KCP: variants seen among roughly 807,000 people sequenced by gnomAD.
KCP encodes kielin/chordin-like protein.
KCP carries 194 observed loss-of-function variants against 212.7 expected under a neutral mutation model. The ratio of observed to expected loss-of-function variants is 0.91; its 90% CI spans 0.81 to 1.03. KCP has a LOEUF of 1.03. Ranked by LOEUF, KCP falls within the 50% of genes least tolerant of loss-of-function variation. The pLI, the probability that KCP is intolerant of heterozygous loss-of-function variation, is 0.00. For synonymous variants in KCP, 833 were observed against 865.3 expected, an observed-to-expected ratio of 0.96 and a Z score of 0.65; for missense variants, 2,080 against 2,162.5, an observed-to-expected ratio of 0.96 and a Z score of 0.76.
chr7:128,901,902 T>C, intron 8 of KCP, among the ~76,000 whole-genome samples: 1 of 152,164 alleles, frequency 6.6e-6, no homozygotes, highest in East Asian at 1.9e-4. Context: ...ATTCCTTATA[T>C]CTGGGGTACG....
intron 8 of KCP, among the ~76,000 whole-genome samples, chr7:128,899,286 A>G (rs1369258961): frequency 2.0e-5 from 3 of 152,214 alleles, no homozygotes; most frequent in African/African-American, 7.2e-5. Context: ...TGTGGCTTTA[A>G]TAGCGGCTGT....
Position 128,891,086 on chromosome 7 carries a change from G to T in KCP, c.1983C>A (p.Ala661=). The change falls in exon 20 of 40, where the codon GCC becomes GCA. Residue 661 remains alanine (A), a synonymous_variant. Coordinates refer to ENST00000610776, the MANE Select transcript of KCP (RefSeq NM_001366122.1). The part of the protein sequence containing the change: ...ECCPQCPAAP[A]PAGCPRPGAA... ...CGCCGGGCCGTGGGCAGCCGGCGGGGGCTGGGGCGGCTGCGGCGAGACAGC... is the reference window on the plus strand; with the variant it reads ...CGCCGGGCCGTGGGCAGCCGGCGGGTGCTGGGGCGGCTGCGGCGAGACAGC... The T allele has an allele frequency of 6.9e-7, 1 of 1,439,738 alleles. No homozygotes were observed. Among genetic ancestry groups the T allele is most frequent in the South Asian group, 1.4e-5 (1 of 69,146 alleles). The allele number at this position is 1,439,738 out of a possible 1,614,324, so 89.2% of individuals were successfully genotyped here. A position where few individuals can be genotyped will look rare whatever the true frequency, so the allele number is the denominator to read the frequency against.
At chr7:128,894,409 C>T (rs1293840957) in intron 8 of KCP, 116 bp from the exon 9 acceptor site, 11 of 770,056 alleles carry the variant, frequency 1.4e-5, no homozygotes, top group East Asian at 5.5e-5. Flanking sequence ...AATTGTGTGT[C>T]CCCGCCCCCA....
At position 128,886,555 on chromosome 7, in the gene KCP, A is replaced by G. The variant is rs1427412101; in HGVS notation, c.2775T>C (p.Ala925=). Residue 925 remains alanine (A), a splice_region_variant and synonymous_variant, in exon 26 of 40, where the codon GCT becomes GCC. Transcript: ENST00000610776. ...AGSCEWCRCQ[A]GQVSCVRLQC... is the part of the protein sequence containing the mutation. ...GCAGCCGCACACAGCTGACCTGGCC[A>G]GCCTGTAGGAGATGCAGGGACACTG... is the stretch of plus-strand genomic sequence containing the variant. 6.4e-7 allele frequency: 1 copy of G among 1,551,184 alleles called. No homozygotes were observed. The highest frequency in any genetic ancestry group is 2.0e-5 in the Admixed American group (1 of 50,978).
At chr7:128,886,434 A>G (rs1336393433) in intron 26 of KCP, 30 bp downstream of exon 26, 2 of 1,520,872 alleles carry the variant, frequency 1.3e-6, no homozygotes, top group South Asian at 2.4e-5. Flanking sequence ...AAGGGGCTGA[A>G]GCAAGGGGTA....
At chr7:128,898,799 T>C (rs1794674022) in intron 8 of KCP, among the ~76,000 whole-genome samples, 1 of 152,224 alleles carries the variant, frequency 6.6e-6, no homozygotes, top group Non-Finnish European at 1.5e-5. Context: ...AGAAATTGTG[T>C]GTGAACATAT....
Position 128,884,769 on chromosome 7 carries a change from G to T in KCP, c.3123+12C>A. On this transcript the variant is annotated intron_variant, in intron 28 of 39. Transcript: ENST00000610776. ...CGAGGTGCCCCAGCCCCACCACTGT[G>T]CCCTCACCTACCTCGCAGATGCACA... The T allele has an allele frequency of 6.4e-7, 1 of 1,550,688 alleles. No individual in the cohort carries two copies. The highest frequency in any genetic ancestry group is 8.7e-7 in the Non-Finnish European group (1 of 1,146,756).
In KCP at chr7:128,893,870, G is replaced by T. The variant is rs1303498796; in HGVS notation, c.1035C>A (p.Pro345=). Reference sequence around the variant, plus strand: ...GGTGTCTGCAGGGCACTGGCGGGCAGGGCAGAGGCTCACACTGGACACTCC... The same window carrying T: ...GGTGTCTGCAGGGCACTGGCGGGCATGGCAGAGGCTCACACTGGACACTCC... ...ANGSVQCEPL[P]CPPVPCRHPG... Residue 345 remains proline, a synonymous_variant, in exon 11 of 40, where the codon CCC becomes CCA. Transcript: ENST00000610776. The T allele has an allele frequency of 6.4e-6, 10 of 1,551,120 alleles. No individual in the cohort carries two copies. The highest frequency in any genetic ancestry group is 8.7e-6 in the Non-Finnish European group (10 of 1,146,980).
At chr7:128,882,971 C>CTT (rs10695533) in intron 29 of KCP, among the ~76,000 whole-genome samples, 53,075 of 151,322 alleles carry the variant, frequency 0.35, 10,836 homozygotes, top group African/African-American at 0.56. Flanking sequence ...ACTCGGGAGG[C>CTT]TGAGGCAGGT....
chr7:128,897,678 G>A (rs1367279314), intron 8 of KCP, among the ~76,000 whole-genome samples: 1 of 152,000 alleles, frequency 6.6e-6, no homozygotes, highest in Non-Finnish European at 1.5e-5. Context: ...TCAGATATTA[G>A]GTTTGCTAAA....
At chr7:128,897,858 T>G (rs1403655294) in intron 8 of KCP, among the ~76,000 whole-genome samples, 1 of 152,318 alleles carries the variant, frequency 6.6e-6, no homozygotes, top group Admixed American at 6.5e-5. Context: ...TCTTGTGTGG[T>G]AAACTCTTGT....
intron 18 of KCP, 51 bp from the exon 19 acceptor site, chr7:128,891,329 G>A (rs1232652258): frequency 5.6e-5 from 86 of 1,546,730 alleles, no homozygotes; most frequent in Non-Finnish European, 7.2e-5. Context: ...GGGGGAGGCC[G>A]AGGAGACCCC....
At chr7:128,898,923 A>C (rs1303107869) in intron 8 of KCP, among the ~76,000 whole-genome samples, 1 of 152,224 alleles carries the variant, frequency 6.6e-6, no homozygotes, top group East Asian at 1.9e-4. Flanking sequence ...TTTAACAAAA[A>C]TTTGTAAAGG....
intron 1 of KCP, 62 bp downstream of exon 1, chr7:128,910,539 G>C: frequency 1.4e-6 from 2 of 1,429,358 alleles, no homozygotes; most frequent in Non-Finnish European, 1.9e-6. Flanking sequence ...CCCTCAGGCC[G>C]GGCTGATAGG....
chr7:128,906,320 G>A lies in KCP; in HGVS notation c.530C>T (p.Pro177Leu). The A allele has an allele frequency of 6.4e-7, 1 of 1,550,660 alleles. No individual in the cohort carries two copies. The highest frequency in any genetic ancestry group is 1.2e-5 in the South Asian group (1 of 84,000). The change falls in exon 5 of 40, where the codon CCC becomes CTC. Residue 177 changes from proline (P) to leucine (L), a missense_variant. Coordinates refer to ENST00000610776, the MANE Select transcript of KCP (RefSeq NM_001366122.1). ...GCAGCATGCTCCTGGCTCAGGGCAG[G>A]GTCCTCTTGGGCATGGCTTCTGGTT... is the stretch of plus-strand genomic sequence containing the variant. ...TCNQKPCPRG[P>L]CPEPGACCPH...
chr7:128,883,052 G>A (rs944183484), intron 29 of KCP, among the ~76,000 whole-genome samples: 4 of 151,508 alleles, frequency 2.6e-5, no homozygotes, highest in Non-Finnish European at 5.9e-5. Context: ...GCGACAAAGC[G>A]AGACTCCGTC....
At chr7:128,892,437 C>T in intron 16 of KCP, 77 bp downstream of exon 16, 3 of 1,054,392 alleles carry the variant, frequency 2.8e-6, no homozygotes, top group South Asian at 1.7e-5. Flanking sequence ...TTCTAAGGTA[C>T]CTGTTGGGCC....
chr7:128,884,974 T>C, intron 27 of KCP, 111 bp from the exon 28 acceptor site: 1 of 1,491,214 alleles, frequency 6.7e-7, no homozygotes, highest in Admixed American at 2.0e-5. Flanking sequence ...GAGTGGAGTG[T>C]GCACAAGGAC....
At chr7:128,910,451 C>T (rs1795372326) in intron 1 of KCP, 150 bp downstream of exon 1, 1 of 680,478 alleles carries the variant, frequency 1.5e-6, no homozygotes, top group Non-Finnish European at 2.3e-6. Context: ...GCTCCCCCGA[C>T]GGGGAGGACG....
Sources: allele counts gnomAD v4.1 joint callset (sites outside exome capture counted in the v4.1 genomes callset), GRCh38; gene constraint gnomAD v4.1.1; transcripts MANE v1.5; gene names NCBI Gene and HGNC (gene_info 2026-07-23, HGNC 2026-07-21).